FMN1: variants seen among roughly 807,000 people sequenced by gnomAD.
The protein encoded by FMN1 is formin 1.
FMN1 carries 110 observed loss-of-function variants against 132.4 expected under a neutral mutation model. The observed-to-expected ratio is 0.83, with a 90% CI of 0.71 to 0.97. FMN1 has a LOEUF of 0.97. FMN1 is among the 50% of genes least tolerant of loss of function. The pLI is 0.00. For missense variants in FMN1, 1,792 were observed against 1,705.3 expected (o/e 1.05, Z -0.90); for synonymous variants, 722 against 651.7 (o/e 1.11, Z -1.64).
intron 17 of FMN1, among the ~76,000 whole-genome samples, chr15:32,843,135 G>GA (rs5811712): frequency 4.2e-4 from 61 of 143,834 alleles, no homozygotes; most frequent in African/African-American, 1.4e-3. Flanking sequence ...CTCAAAAAGA[G>GA]AAAAAAAAAA....
chr15:32,891,908 T>G (rs1031335623), intron 15 of FMN1, among the ~76,000 whole-genome samples: 2 of 151,728 alleles, frequency 1.3e-5, no homozygotes, highest in African/African-American at 4.9e-5. Context: ...ATTAATCTTG[T>G]ATCCTGAAAC....
chr15:33,152,990 A>G, intron 4 of FMN1, 58 bp downstream of exon 4: 1 of 1,414,024 alleles, frequency 7.1e-7, no homozygotes, highest in South Asian at 1.5e-5. Context: ...GCACAGGCAG[A>G]CTGATAGTTC....
Position 32,765,949 on chromosome 15 carries a change from G to A in FMN1, c.*8361C>T, listed in dbSNP as rs563753320. 6.6e-6 allele frequency: 1 copy of A among 151,884 alleles called. No individual in the cohort carries two copies. The highest frequency in any genetic ancestry group is 6.6e-5 in the Admixed American group (1 of 15,262). The allele number at this position is 151,884 out of a possible 1,614,324, so 9.4% of individuals were successfully genotyped here. A position where few individuals can be genotyped will look rare whatever the true frequency, so the allele number is the denominator to read the frequency against. ...TCTCAGCTTTGACAAAATTAAATAT[G>A]CAAACAAATTAGAAATACGTATTTT... On this transcript the variant is annotated 3_prime_UTR_variant, in exon 21 of 21. Transcript: ENST00000616417.
intron 6 of FMN1, among the ~76,000 whole-genome samples, chr15:33,058,381 C>A (rs1435774934): frequency 1.3e-5 from 2 of 151,990 alleles, no homozygotes; most frequent in Admixed American, 1.3e-4. Flanking sequence ...TCTCTAAAAC[C>A]CAGTAAAACC....
At position 32,956,371 on chromosome 15, in the gene FMN1, T is replaced by TA. The variant is rs200916184; in HGVS notation, c.3138+7735_3138+7736insT. Among the ~76,000 whole-genome samples, 757 of 124,704 alleles carry TA rather than the reference T, an allele frequency of 6.1e-3. 32 individuals are homozygous for TA. In the East Asian group the frequency reaches 0.094, roughly 15 times the overall value. 81.8% of individuals were successfully genotyped at this position (124,704 alleles called of 152,430 possible). ...AAGTCCTAACCACTCTTTTTTTTTTTTAAAAAAATAAGCAAATAAAATAAA... is the reference window on the plus strand; with the variant it reads ...AAGTCCTAACCACTCTTTTTTTTTTTATAAAAAAATAAGCAAATAAAATAAA... On this transcript the variant is annotated intron_variant, in intron 9 of 20. Transcript: ENST00000616417.
intron 8 of FMN1, among the ~76,000 whole-genome samples, chr15:32,967,981 A>G (rs2140643193): frequency 6.6e-6 from 1 of 152,394 alleles, no homozygotes; most frequent in South Asian, 2.1e-4. Flanking sequence ...AATAAGGCAG[A>G]ACAAATCACA....
rs148180863 is a variant in FMN1 at position 32,908,677 on chromosome 15, C to G, written c.3289-99G>C. On this transcript the variant is annotated intron_variant, in intron 11 of 20. Coordinates refer to ENST00000616417, the MANE Select transcript of FMN1 (RefSeq NM_001277313.2). ...GGTCTCAAAGTCTCGAAGTGTGGTTCCTAGACTAGCAGCATCAACAACATC... is the reference window on the plus strand; with the variant it reads ...GGTCTCAAAGTCTCGAAGTGTGGTTGCTAGACTAGCAGCATCAACAACATC... 5.6e-4 allele frequency: 396 copies of G among 707,924 alleles called. No homozygotes were observed. The African/African-American group carries it at 6.2e-3, about 11-fold the overall frequency. 43.9% of individuals were successfully genotyped at this position (707,924 alleles called of 1,614,324 possible).
Position 32,879,093 on chromosome 15 carries a change from A to T in FMN1, c.3835+9079T>A, listed in dbSNP as rs1333736954. Among the ~76,000 whole-genome samples the T allele has an allele frequency of 2.6e-5, 4 of 152,194 alleles. No homozygotes were observed. In the East Asian group the frequency reaches 5.8e-4, roughly 22 times the overall value. Reference sequence around the variant, plus strand: ...TTTGGGAAATGTGTGACCTTTAGTCACCATGCTCAATTAATTGAATGCTTT... The same window carrying T: ...TTTGGGAAATGTGTGACCTTTAGTCTCCATGCTCAATTAATTGAATGCTTT... On this transcript the variant is annotated intron_variant, in intron 16 of 20. Transcript: ENST00000616417.
intron 9 of FMN1, among the ~76,000 whole-genome samples, chr15:32,938,572 C>A (rs796469382): frequency 4.6e-5 from 7 of 152,038 alleles, no homozygotes; most frequent in Admixed American, 6.6e-5. Flanking sequence ...AATGCTACAA[C>A]GAACAAGCAG....
At position 33,066,864 on chromosome 15, in the gene FMN1, G is replaced by C. The variant is rs760686983; in HGVS notation, c.2044-1790C>G. On this transcript the variant is annotated intron_variant, in intron 5 of 20. Coordinates refer to ENST00000616417, the MANE Select transcript of FMN1 (RefSeq NM_001277313.2). ...AGCAGCAGAGAGAGCTGCTCCAGGA[G>C]AGTGGGAGTGGCCTTCGGATCAGTT... The C allele has an allele frequency of 4.3e-6, 7 of 1,613,996 alleles. No individual in the cohort carries two copies.
chr15:33,165,725 G>T (rs925316734), intron 3 of FMN1, among the ~76,000 whole-genome samples: 1 of 152,016 alleles, frequency 6.6e-6, no homozygotes, highest in Non-Finnish European at 1.5e-5. Context: ...GCAAAGAGAC[G>T]ATTGTAACCC....
chr15:33,051,032 G>C (rs932870359), intron 6 of FMN1, among the ~76,000 whole-genome samples: 2 of 152,196 alleles, frequency 1.3e-5, no homozygotes, highest in South Asian at 2.1e-4. Context: ...GTATTCATGA[G>C]TGCATATACA....
intron 4 of FMN1, chr15:33,150,314 G>A (rs753069071): frequency 2.0e-5 from 20 of 985,310 alleles, no homozygotes; most frequent in Non-Finnish European, 2.4e-5. Flanking sequence ...ACTCCACAAA[G>A]GCTTGGGAAC....
chr15:32,935,203 G>C (rs2061233768), intron 9 of FMN1, among the ~76,000 whole-genome samples: 1 of 152,182 alleles, frequency 6.6e-6, no homozygotes, highest in South Asian at 2.1e-4. Flanking sequence ...TTACAGGCGT[G>C]AGCCACTGCA....
At chr15:33,034,068 A>G (rs558514550) in intron 6 of FMN1, among the ~76,000 whole-genome samples, 1 of 152,144 alleles carries the variant, frequency 6.6e-6, no homozygotes, top group South Asian at 2.1e-4. Flanking sequence ...TCAAAGTTTT[A>G]AACACCAGTT....
intron 20 of FMN1, among the ~76,000 whole-genome samples, chr15:32,776,390 T>A (rs1268293774): frequency 6.6e-6 from 1 of 152,214 alleles, no homozygotes; most frequent in Non-Finnish European, 1.5e-5. Context: ...CTGGCTTTTG[T>A]TATCCACTTG....
intron 6 of FMN1, among the ~76,000 whole-genome samples, chr15:33,034,273 A>G (rs1338194571): frequency 1.3e-5 from 2 of 152,108 alleles, no homozygotes; most frequent in Non-Finnish European, 2.9e-5. Context: ...TCTCCAGTCC[A>G]TGGCAATTCC....
At chr15:32,899,846 G>A (rs1318025152) in intron 14 of FMN1, 133 bp downstream of exon 14, 1 of 867,780 alleles carries the variant, frequency 1.2e-6, no homozygotes, top group Non-Finnish European at 1.7e-6. Flanking sequence ...ACAAAAAAAT[G>A]CATGCTCTAA....
intron 17 of FMN1, 98 bp from the exon 18 acceptor site, chr15:32,804,430 CTGAATTCGGGGGGG>C: frequency 2.2e-4 from 2 of 9,118 alleles, no homozygotes. Flanking sequence ...CACAGGAGGT[CTGAATTCGGGGGGG>C]GGGGGGGGGG....
Sources: allele counts gnomAD v4.1 joint callset (sites outside exome capture counted in the v4.1 genomes callset), GRCh38; gene constraint gnomAD v4.1.1; transcripts MANE v1.5; gene names NCBI Gene and HGNC (gene_info 2026-07-23, HGNC 2026-07-21).